FBXO11: variants seen among roughly 807,000 people sequenced by gnomAD.
The protein encoded by FBXO11 is F-box only protein 11.
In FBXO11, 13 loss-of-function variants were observed where a neutral mutation model predicts 117.0. That is an observed-to-expected ratio of 0.11 (90% CI 0.07 to 0.18). FBXO11 has a LOEUF of 0.18. Among genes scored for constraint, FBXO11 ranks in the 10% least tolerant of loss-of-function variants. The pLI is 1.00. For missense variants in FBXO11, 767 were observed against 1,164.4 expected (o/e 0.66, Z 4.97); for synonymous variants, 490 against 380.5 (o/e 1.29, Z -3.35).
intron 11 of FBXO11, among the ~76,000 whole-genome samples, chr2:47,825,590 T>A (rs1269010437): frequency 1.4e-5 from 2 of 147,212 alleles, no homozygotes; most frequent in African/African-American, 5.0e-5. Flanking sequence ...TTTTTTTTTT[T>A]TTTTTTAGAG....
chr2:47,859,063 A>C (rs1162225729), intron 1 of FBXO11, among the ~76,000 whole-genome samples: 2 of 150,810 alleles, frequency 1.3e-5, no homozygotes, highest in South Asian at 2.1e-4. Flanking sequence ...AAAAAAGAAA[A>C]GAAAAGAAAA....
In FBXO11 at chr2:47,818,519, T is replaced by C. The variant is rs1008668717; in HGVS notation, c.2006+260A>G. On this transcript the variant is annotated intron_variant, in intron 16 of 22. Transcript: ENST00000403359. ...ACTCTCCAAGTATGAAGGATCATAT[T>C]GGCAGCTGATGTGACTCTCATAGTG... is the stretch of plus-strand genomic sequence containing the variant. The C allele has an allele frequency of 7.2e-5, 25 of 347,264 alleles. 1 individual carries two copies. The highest frequency in any genetic ancestry group is 5.2e-6 in the Non-Finnish European group (1 of 191,434). The allele number at this position is 347,264 out of a possible 1,614,324, so 21.5% of individuals were successfully genotyped here. A position where few individuals can be genotyped will look rare whatever the true frequency, so the allele number is the denominator to read the frequency against.
At position 47,834,679 on chromosome 2, in the gene FBXO11, C is replaced by G; in HGVS notation, c.834G>C (p.Gly278=). The G allele has an allele frequency of 6.2e-7, 1 of 1,612,198 alleles. No homozygotes were observed. The highest frequency in any genetic ancestry group is 8.5e-7 in the Non-Finnish European group (1 of 1,179,228). ...YYDTIEDALG[G]VQEAHFDGLI... is the part of the protein sequence containing the mutation. Reference sequence around the variant, plus strand: ...GTCCATCAAAATGAGCCTCTTGTACCCCACCAAGGGCATCTTCAATAGTAT... The same window carrying G: ...GTCCATCAAAATGAGCCTCTTGTACGCCACCAAGGGCATCTTCAATAGTAT... The change falls in exon 7 of 23, where the codon GGG becomes GGC. Residue 278 remains glycine (G), a synonymous_variant. Coordinates refer to ENST00000403359, the MANE Select transcript of FBXO11 (RefSeq NM_001190274.2).
chr2:47,902,979 T>C (rs1678413416), intron 1 of FBXO11, among the ~76,000 whole-genome samples: 1 of 151,752 alleles, frequency 6.6e-6, no homozygotes, highest in Non-Finnish European at 1.5e-5. Flanking sequence ...AATTATCCTG[T>C]AATAATTAAA....
At chr2:47,901,766 A>T (rs1173372489) in intron 1 of FBXO11, among the ~76,000 whole-genome samples, 1 of 152,130 alleles carries the variant, frequency 6.6e-6, no homozygotes, top group African/African-American at 2.4e-5. Flanking sequence ...TGTAATATCT[A>T]AAAAAATTAC....
At chr2:47,839,966 CAG>C (rs772663470) in intron 1 of FBXO11, among the ~76,000 whole-genome samples, 197 bp from the exon 2 acceptor site, 13 of 149,650 alleles carry the variant, frequency 8.7e-5, no homozygotes, top group Non-Finnish European at 1.6e-4. Flanking sequence ...TTTTTTGAGA[CAG>C]AGTCTCGCTC....
At chr2:47,901,029 A>G (rs551376135) in intron 1 of FBXO11, among the ~76,000 whole-genome samples, 10 of 138,602 alleles carry the variant, frequency 7.2e-5, no homozygotes, top group East Asian at 2.9e-4. Flanking sequence ...ATGTATATAT[A>G]TACACACGTG....
rs1487015840 is a variant in FBXO11, at chr2:47,818,962, G to C, written c.1914C>G (p.Gly638=). The C allele has an allele frequency of 6.2e-7, 1 of 1,613,242 alleles. No individual in the cohort carries two copies. The highest frequency in any genetic ancestry group is 8.5e-7 in the Non-Finnish European group (1 of 1,179,870). The part of the protein sequence containing the change: ...PVLRRNRIHS[G]KQVGVYFYDN... ...GAGTCCAGGCTAATCCTACCTGCTT[G>C]CCACTGTGTATCCGGTTTCTTCTCA... The change falls in exon 15 of 23, where the codon GGC becomes GGG. Residue 638 remains glycine, a synonymous_variant. Transcript: ENST00000403359.
intron 1 of FBXO11, among the ~76,000 whole-genome samples, chr2:47,862,046 G>C (rs931695473): frequency 1.3e-5 from 2 of 151,996 alleles, no homozygotes; most frequent in African/African-American, 2.4e-5. Context: ...CCGAGTGGCT[G>C]GGATTACGGG....
rs764057797 is a variant in FBXO11 at position 47,809,278 on chromosome 2, G to GA, written c.2447-13dup. The GA allele has an allele frequency of 3.3e-5, 48 of 1,460,268 alleles. No homozygotes were observed. Among genetic ancestry groups the GA allele is most frequent in the African/African-American group, 4.3e-5 (3 of 70,142 alleles). 90.5% of individuals were successfully genotyped at this position (1,460,268 alleles called of 1,614,324 possible). A position where few individuals can be genotyped will look rare whatever the true frequency, so the allele number is the denominator to read the frequency against. ...CATTATTTTGTTATCTGTAATAAAAGAAAGAATAAGTAAAAATTCAGAGGA... is the reference window on the plus strand; with the variant it reads ...CATTATTTTGTTATCTGTAATAAAAGAAAAGAATAAGTAAAAATTCAGAGGA... On this transcript the variant is annotated splice_polypyrimidine_tract_variant and intron_variant, in intron 20 of 22. Transcript: ENST00000403359.
intron 11 of FBXO11, among the ~76,000 whole-genome samples, chr2:47,828,213 T>C (rs895827534): frequency 6.6e-6 from 1 of 152,200 alleles, no homozygotes; most frequent in African/African-American, 2.4e-5. Context: ...ACTCCTGGGT[T>C]CATGCAGTCC....
chr2:47,854,656 A>G (rs1310289402), intron 1 of FBXO11, among the ~76,000 whole-genome samples: 3 of 152,092 alleles, frequency 2.0e-5, no homozygotes, highest in African/African-American at 7.2e-5. Flanking sequence ...AATTATGTGG[A>G]AGTTTGGTTA....
At chr2:47,895,256 C>T (rs1677568535) in intron 1 of FBXO11, among the ~76,000 whole-genome samples, 1 of 152,144 alleles carries the variant, frequency 6.6e-6, no homozygotes, top group East Asian at 1.9e-4. Context: ...ATCCTATGTC[C>T]ATCAACTGTA....
intron 1 of FBXO11, chr2:47,888,707 T>A (rs1399802907): frequency 1.0e-6 from 1 of 975,434 alleles, no homozygotes; most frequent in Non-Finnish European, 1.2e-6. Context: ...TTTACAAATC[T>A]TATTGCTATG....
In FBXO11 at chr2:47,809,676, T is replaced by G. The variant is rs1670473902; in HGVS notation, c.2370A>C (p.Thr790=). 6.2e-7 allele frequency: 1 copy of G among 1,613,464 alleles called. No individual in the cohort carries two copies. Among genetic ancestry groups the G allele is most frequent in the South Asian group, 1.1e-5 (1 of 91,066 alleles). The change falls in exon 20 of 23, where the codon ACA becomes ACC. Residue 790 remains threonine, a synonymous_variant. Coordinates refer to ENST00000403359, the MANE Select transcript of FBXO11 (RefSeq NM_001190274.2). ...TGTTAAAAATCTGATTGCCTTCTAG[T>G]GTTGCAGTTGCGTGATTTGTAATTT... ...GIEITNHATA[T]LEGNQIFNNR...
At chr2:47,811,925 A>G (rs936164729) in intron 18 of FBXO11, among the ~76,000 whole-genome samples, 2 of 152,104 alleles carry the variant, frequency 1.3e-5, no homozygotes, top group African/African-American at 2.4e-5. Flanking sequence ...CCTTTTAAGT[A>G]TCATTAACAT....
chr2:47,897,701 CA>C (rs60982405), intron 1 of FBXO11, among the ~76,000 whole-genome samples: 32,351 of 103,010 alleles, frequency 0.31, 3,564 homozygotes, highest in East Asian at 0.54. Context: ...TGTCTTAAAC[CA>C]AAAAAAAAAA....
intron 11 of FBXO11, among the ~76,000 whole-genome samples, chr2:47,831,442 A>G (rs931525710): frequency 2.0e-5 from 3 of 151,114 alleles, no homozygotes; most frequent in East Asian, 2.0e-4. Flanking sequence ...AAAAAAAAAA[A>G]AAAAAAGAAA....
At position 47,807,430 on chromosome 2, in the gene FBXO11, A is replaced by ATAAT. The variant is rs1670298077; in HGVS notation, c.*684_*687dup. 9.7e-6 allele frequency: 2 copies of ATAAT among 205,632 alleles called. No homozygotes were observed. Among genetic ancestry groups the ATAAT allele is most frequent in the Admixed American group, 5.9e-5 (1 of 16,978 alleles). 12.7% of individuals were successfully genotyped at this position (205,632 alleles called of 1,614,324 possible). A position where few individuals can be genotyped will look rare whatever the true frequency, so the allele number is the denominator to read the frequency against. The stretch of plus-strand genomic sequence containing the variant: ...AATGCTGCACAGGGAAGGGAAGGAA[A>ATAAT]TAATAGTCTTAACTTTTCTTAAAGG... On this transcript the variant is annotated 3_prime_UTR_variant, in exon 23 of 23. Coordinates refer to ENST00000403359, the MANE Select transcript of FBXO11 (RefSeq NM_001190274.2).
Sources: allele counts gnomAD v4.1 joint callset (sites outside exome capture counted in the v4.1 genomes callset), GRCh38; gene constraint gnomAD v4.1.1; transcripts MANE v1.5; gene names NCBI Gene and HGNC (gene_info 2026-07-23, HGNC 2026-07-21).